Variants in RASGRF1 observed in about 807,000 individuals in gnomAD.
RASGRF1 encodes the protein Ras protein specific guanine nucleotide releasing factor 1.
RASGRF1 carries 40 observed loss-of-function variants against 138.7 expected under a neutral mutation model. That is an observed-to-expected ratio of 0.29 (90% CI 0.22 to 0.38). The LOEUF is 0.38. RASGRF1 is among the 10% of genes least tolerant of loss of function. The pLI is 1.00. For missense variants in RASGRF1, 1,108 were observed against 1,650.4 expected (o/e 0.67, Z 5.69); for synonymous variants, 614 against 663.2 (o/e 0.93, Z 1.14).
Position 79,002,867 on chromosome 15 carries a change from T to C in RASGRF1, c.2449+935A>G, listed in dbSNP as rs186445806. ...CTCTTGCCAGCTCAGAGGAGAGAAA[T>C]CCTTCCCTCTTCAAAGGCCTCCTCC... On this transcript the variant is annotated intron_variant, in intron 15 of 26. Transcript: ENST00000558480. Among the ~76,000 whole-genome samples, 79 of 152,236 alleles carry C rather than the reference T, an allele frequency of 5.2e-4. No homozygotes were observed. The East Asian group carries it at 7.7e-3, about 15-fold the overall frequency.
rs139061372 is a variant in RASGRF1 at position 79,052,483 on chromosome 15, A to C, written c.532-2895T>G. 1.8e-3 allele frequency among the ~76,000 whole-genome samples: 277 copies of C among 152,028 alleles called. 2 individuals carry two copies. The highest frequency in any genetic ancestry group is 6.5e-3 in the African/African-American group (268 of 41,458). ...CCCATCTCTGTTTCCCTTTGTGCCAACCTTATCAGCATGCTCTGATGGTGT... is the reference window on the plus strand; with the variant it reads ...CCCATCTCTGTTTCCCTTTGTGCCACCCTTATCAGCATGCTCTGATGGTGT... On this transcript the variant is annotated intron_variant, in intron 3 of 26. Coordinates refer to ENST00000558480, the MANE Select transcript of RASGRF1 (RefSeq NM_001145648.3).
chr15:79,090,006 C>T (rs1403045955), intron 1 of RASGRF1, among the ~76,000 whole-genome samples: 1 of 152,228 alleles, frequency 6.6e-6, no homozygotes, highest in Non-Finnish European at 1.5e-5. Context: ...AGCCGCAGCC[C>T]ACATCTACTC....
chr15:79,012,459 C>A, intron 13 of RASGRF1: 2 of 1,427,800 alleles, frequency 1.4e-6, no homozygotes, highest in East Asian at 4.6e-5. Flanking sequence ...TCTCACTAAA[C>A]GATGAATTTC....
chr15:79,043,091 G>C (rs560630962), intron 5 of RASGRF1, among the ~76,000 whole-genome samples: 16 of 152,268 alleles, frequency 1.1e-4, no homozygotes, highest in African/African-American at 3.9e-4. Context: ...AACCAGCCTC[G>C]TCAGACTTGC....
chr15:78,970,621 C>CAAAAAAAAAAAA (rs55689628), intron 26 of RASGRF1, among the ~76,000 whole-genome samples: 225 of 57,406 alleles, frequency 3.9e-3, no homozygotes, highest in Middle Eastern at 0.011. Context: ...GACTCTGTCT[C>CAAAAAAAAAAAA]AAAAAAAAAA....
chr15:79,045,388 C>G (rs1303678808), intron 5 of RASGRF1, among the ~76,000 whole-genome samples: 1 of 152,208 alleles, frequency 6.6e-6, no homozygotes, highest in East Asian at 1.9e-4. Context: ...TAAATGTTAC[C>G]TGATTTCACA....
At chr15:79,064,278 A>G in intron 2 of RASGRF1, 142 bp downstream of exon 2, 1 of 740,320 alleles carries the variant, frequency 1.4e-6, no homozygotes, top group South Asian at 1.8e-5. Context: ...GTAAGGGTGG[A>G]CCCTGCCAAG....
chr15:79,033,312 G>A (rs1265389853), intron 6 of RASGRF1, among the ~76,000 whole-genome samples: 8 of 150,794 alleles, frequency 5.3e-5, no homozygotes, highest in South Asian at 2.1e-4. Flanking sequence ...GTGCGGTCTC[G>A]GCTCACTGTA....
At chr15:78,997,234 G>A (rs977080537) in intron 19 of RASGRF1, among the ~76,000 whole-genome samples, 1 of 152,140 alleles carries the variant, frequency 6.6e-6, no homozygotes. Context: ...CAACTTAACT[G>A]AATTCAATTC....
At chr15:79,079,602 T>C (rs1237636422) in intron 1 of RASGRF1, among the ~76,000 whole-genome samples, 3 of 152,124 alleles carry the variant, frequency 2.0e-5, no homozygotes, top group Non-Finnish European at 2.9e-5. Context: ...ATTTATATAA[T>C]TATACATGCA....
At chr15:78,978,088 G>C (rs1273716659) in intron 24 of RASGRF1, among the ~76,000 whole-genome samples, 1 of 152,148 alleles carries the variant, frequency 6.6e-6, no homozygotes, top group Non-Finnish European at 1.5e-5. Flanking sequence ...TGGGGCAAGG[G>C]ACATTTAAGA....
At chr15:79,076,850 ACC>A in intron 1 of RASGRF1, among the ~76,000 whole-genome samples, 1 of 152,200 alleles carries the variant, frequency 6.6e-6, no homozygotes, top group African/African-American at 2.4e-5. Context: ...GGAGCCTGGC[ACC>A]GTGCCTTGGC....
chr15:79,037,946 A>G (rs1342444335), intron 5 of RASGRF1, among the ~76,000 whole-genome samples: 1 of 151,936 alleles, frequency 6.6e-6, no homozygotes, highest in Non-Finnish European at 1.5e-5. Context: ...GATCCCTCAC[A>G]TGTGCAGTTC....
intron 17 of RASGRF1, 46 bp from the exon 18 acceptor site, chr15:78,998,871 G>C: frequency 6.7e-7 from 1 of 1,484,360 alleles, no homozygotes; most frequent in African/African-American, 1.4e-5. Flanking sequence ...GTGAGGACAA[G>C]AAACAGAGCT....
chr15:78,992,226 A>G (rs2056285363), intron 20 of RASGRF1, among the ~76,000 whole-genome samples: 1 of 152,226 alleles, frequency 6.6e-6, no homozygotes, highest in Non-Finnish European at 1.5e-5. Context: ...CTGGCTCTAT[A>G]CAATTTCCTT....
At position 79,090,558 on chromosome 15, in the gene RASGRF1, GTCCGTGCGCGCTGCGCGCTGCCTC is replaced by G. The variant is rs2058042284; in HGVS notation, c.-84_-61del. 1 of 1,575,214 alleles carries G rather than the reference GTCCGTGCGCGCTGCGCGCTGCCTC, an allele frequency of 6.3e-7. No homozygotes were observed. Among genetic ancestry groups the G allele is most frequent in the African/African-American group, 1.3e-5 (1 of 74,350 alleles). On this transcript the variant is annotated 5_prime_UTR_variant, in exon 1 of 27. Transcript: ENST00000558480. ...CATCTTCTCCGCGCAGCAGCCCCCC[GTCCGTGCGCGCTGCGCGCTGCCTC>G]TCTCTGGCGCTCGCTCGCTCGCTCC...
Position 78,962,309 on chromosome 15 carries a change from A to G in RASGRF1, c.3682-73T>C, listed in dbSNP as rs990092641. Reference sequence around the variant, plus strand: ...ATAGTACTGATTGTGGATGCACTTTATCTCCTAGGGCCCAAGCCTCTTACT... The same window carrying G: ...ATAGTACTGATTGTGGATGCACTTTGTCTCCTAGGGCCCAAGCCTCTTACT... On this transcript the variant is annotated intron_variant, in intron 26 of 26. Coordinates refer to ENST00000558480, the MANE Select transcript of RASGRF1 (RefSeq NM_001145648.3). 7 of 1,107,140 alleles carry G rather than the reference A, an allele frequency of 6.3e-6. No homozygotes were observed. The African/African-American group carries it at 1.1e-4, about 17-fold the overall frequency. The allele number at this position is 1,107,140 out of a possible 1,614,324, so 68.6% of individuals were successfully genotyped here. A position where few individuals can be genotyped will look rare whatever the true frequency, so the allele number is the denominator to read the frequency against.
chr15:78,996,068 A>G (rs901665651), intron 19 of RASGRF1, among the ~76,000 whole-genome samples: 2 of 152,206 alleles, frequency 1.3e-5, no homozygotes, highest in Non-Finnish European at 2.9e-5. Context: ...CACCTCAGGC[A>G]GGGAGCCCTT....
chr15:79,069,461 G>A (rs1334253790), intron 1 of RASGRF1, among the ~76,000 whole-genome samples: 3 of 152,170 alleles, frequency 2.0e-5, no homozygotes, highest in Non-Finnish European at 1.5e-5. Context: ...TTGTCCCAAT[G>A]TAGACTCACC....
Sources: gnomAD v4.1 joint callset for allele counts (sites outside exome capture counted in the v4.1 genomes callset) on GRCh38, gnomAD v4.1.1 for gene constraint, MANE v1.5 for transcripts, NCBI Gene and HGNC (gene_info 2026-07-23, HGNC 2026-07-21) for gene names.